The following MARCHF1 variants were observed in gnomAD, a reference collection of about 807,000 sequenced individuals.
The protein encoded by MARCHF1 is membrane associated ring-CH-type finger 1.
Under a neutral mutation model 54.2 loss-of-function variants are expected in MARCHF1, and 40 were observed. The observed-to-expected ratio is 0.74, with a 90% CI of 0.57 to 0.96. The LOEUF (loss-of-function observed/expected upper bound fraction) is 0.96. MARCHF1 is among the 40% of genes least tolerant of loss of function. The pLI is 0.00. For missense variants in MARCHF1, 586 were observed against 656.5 expected (o/e 0.89, Z 1.17); for synonymous variants, 236 against 236.3 (o/e 1.00, Z 0.01).
chr4:163,867,812 T>TC (rs1296237159), intron 3 of MARCHF1, among the ~76,000 whole-genome samples: 3 of 109,468 alleles, frequency 2.7e-5, no homozygotes, highest in African/African-American at 6.3e-5. Flanking sequence ...TTCATCAATT[T>TC]CCTTTTTTTT....
chr4:163,775,892 G>C (rs2110885491), intron 4 of MARCHF1, among the ~76,000 whole-genome samples: 1 of 152,242 alleles, frequency 6.6e-6, no homozygotes, highest in Non-Finnish European at 1.5e-5. Flanking sequence ...GAAGTGTTAT[G>C]AGCATCTACA....
chr4:163,983,540 T>C lies in MARCHF1; in HGVS notation c.-39+4961A>G, dbSNP rs62348095. Reference sequence around the variant, plus strand: ...AAAAAGAAAACAAAACTCCCCCCACTTAGAGGTTAGCAGGTTTGGGGGTTA... The same window carrying C: ...AAAAAGAAAACAAAACTCCCCCCACCTAGAGGTTAGCAGGTTTGGGGGTTA... On this transcript the variant is annotated intron_variant, in intron 3 of 9. Transcript: ENST00000514618. Among the ~76,000 whole-genome samples the C allele has an allele frequency of 5.5e-3, 833 of 152,198 alleles. 9 individuals carry two copies. Among genetic ancestry groups the C allele is most frequent in the South Asian group, 0.038 (185 of 4,818 alleles).
chr4:164,057,078 C>G (rs1323007005), intron 2 of MARCHF1, among the ~76,000 whole-genome samples: 1 of 152,164 alleles, frequency 6.6e-6, no homozygotes, highest in Admixed American at 6.5e-5. Context: ...ATTAAAAACA[C>G]TGTGACACAT....
At chr4:164,188,757 A>T in intron 1 of MARCHF1, 1 of 959,296 alleles carries the variant, frequency 1.0e-6, no homozygotes. Context: ...ACTAAACCAT[A>T]CGTTCAAGTT....
chr4:164,233,835 C>T (rs1037783860), intron 1 of MARCHF1, among the ~76,000 whole-genome samples: 1 of 152,048 alleles, frequency 6.6e-6, no homozygotes, highest in African/African-American at 2.4e-5. Context: ...AAAGGATATA[C>T]CAATACCACC....
At chr4:164,245,145 G>C (rs952066136) in intron 1 of MARCHF1, among the ~76,000 whole-genome samples, 38 of 152,092 alleles carry the variant, frequency 2.5e-4, no homozygotes, top group Non-Finnish European at 4.9e-4. Context: ...GCCAGGCAGA[G>C]ACACAACAAA....
rs185455940 is a variant in MARCHF1, at chr4:163,765,449, T to C, written c.112-64586A>G. Among the ~76,000 whole-genome samples the C allele has an allele frequency of 5.9e-5, 9 of 152,274 alleles. No individual in the cohort carries two copies. The East Asian group carries it at 7.7e-4, about 13-fold the overall frequency. On this transcript the variant is annotated intron_variant, in intron 4 of 9. Coordinates refer to ENST00000514618, the MANE Select transcript of MARCHF1 (RefSeq NM_001394959.1). ...TAAACAAAACCACCAACCAATACTC[T>C]TATCATTACACTAATCTGTCAATTG...
intron 2 of MARCHF1, among the ~76,000 whole-genome samples, chr4:164,043,867 C>A (rs1396012239): frequency 6.6e-6 from 1 of 152,156 alleles, no homozygotes; most frequent in Non-Finnish European, 1.5e-5. Flanking sequence ...TTTCTTCCAC[C>A]AGATGCCCTA....
chr4:163,812,061 C>A (rs1748402598), intron 4 of MARCHF1, among the ~76,000 whole-genome samples: 1 of 151,942 alleles, frequency 6.6e-6, no homozygotes, highest in Non-Finnish European at 1.5e-5. Flanking sequence ...AATACTTGAG[C>A]TCAAATATTG....
chr4:163,941,318 G>C (rs1434912558), intron 3 of MARCHF1, among the ~76,000 whole-genome samples: 1 of 152,054 alleles, frequency 6.6e-6, no homozygotes, highest in African/African-American at 2.4e-5. Context: ...GATTGAGCTA[G>C]GCACTGAACG....
At chr4:163,726,932 G>A (rs1195492061) in intron 4 of MARCHF1, among the ~76,000 whole-genome samples, 2 of 152,128 alleles carry the variant, frequency 1.3e-5, no homozygotes, top group South Asian at 2.1e-4. Context: ...TCTTATCGTT[G>A]AGTTTTAAGA....
chr4:164,346,847 C>T (rs761294726), intron 1 of MARCHF1, among the ~76,000 whole-genome samples: 8 of 151,638 alleles, frequency 5.3e-5, no homozygotes, highest in Admixed American at 6.6e-5. Context: ...TACTTTATAG[C>T]GATTTTCATC....
At chr4:163,959,339 AAAAC>A (rs1752295238) in intron 3 of MARCHF1, among the ~76,000 whole-genome samples, 1 of 151,808 alleles carries the variant, frequency 6.6e-6, no homozygotes, top group Non-Finnish European at 1.5e-5. Context: ...ACAAAAAAAA[AAAAC>A]AACAAAAAAA....
At chr4:164,298,488 C>T (rs979702071) in intron 1 of MARCHF1, among the ~76,000 whole-genome samples, 23 of 152,012 alleles carry the variant, frequency 1.5e-4, no homozygotes, top group Non-Finnish European at 2.9e-4. Flanking sequence ...TAGCCCAGAA[C>T]GTGGACAATT....
chr4:164,222,910 G>C (rs912089023), intron 1 of MARCHF1, among the ~76,000 whole-genome samples: 2 of 152,028 alleles, frequency 1.3e-5, no homozygotes, highest in African/African-American at 4.8e-5. Context: ...AAGTAAAGAA[G>C]TTTAATTGAC....
chr4:163,567,111 G>C (rs1291525744), intron 8 of MARCHF1, among the ~76,000 whole-genome samples: 1 of 152,048 alleles, frequency 6.6e-6, no homozygotes, highest in African/African-American at 2.4e-5. Flanking sequence ...TTCTGCACGT[G>C]TATCCCAGAA....
At chr4:164,266,591 AT>A (rs752810041) in intron 1 of MARCHF1, among the ~76,000 whole-genome samples, 5 of 152,214 alleles carry the variant, frequency 3.3e-5, no homozygotes, top group East Asian at 1.9e-4. Flanking sequence ...TAGCCCTGTG[AT>A]TTTTCAGGTT....
chr4:163,993,054 A>C (rs1384394320), intron 2 of MARCHF1, among the ~76,000 whole-genome samples: 1 of 152,060 alleles, frequency 6.6e-6, no homozygotes, highest in African/African-American at 2.4e-5. Flanking sequence ...AATTTATGTT[A>C]TCTTGTAAAG....
intron 4 of MARCHF1, among the ~76,000 whole-genome samples, chr4:163,756,619 G>T (rs186355336): frequency 1.9e-5 from 2 of 105,604 alleles, no homozygotes; most frequent in Non-Finnish European, 3.5e-5. Flanking sequence ...GCGACAGAGC[G>T]AGACTCTGTC....
Sources: allele counts gnomAD v4.1 joint callset (sites outside exome capture counted in the v4.1 genomes callset), GRCh38; gene constraint gnomAD v4.1.1; transcripts MANE v1.5; gene names NCBI Gene and HGNC (gene_info 2026-07-23, HGNC 2026-07-21).